BMAL2: variants seen among roughly 807,000 people sequenced by gnomAD.
The protein encoded by BMAL2 is basic helix-loop-helix ARNT-like protein 2.
chr12:27,365,443 C>A, the BMAL2 span, among the ~76,000 whole-genome samples: 110 of 151,890 alleles, frequency 7.2e-4, no homozygotes, highest in Non-Finnish European at 1.4e-3. Context: ...TCCTTTTGTA[C>A]TGTCCTTGTC....
the BMAL2 span, chr12:27,420,849 AG>A: frequency 5.0e-6 from 1 of 198,518 alleles, no homozygotes; most frequent in Non-Finnish European, 1.0e-5. Context: ...TTTTTGATGC[AG>A]TTTTTTTTAG....
At chr12:27,372,513 T>C in the BMAL2 span, among the ~76,000 whole-genome samples, 1,226 of 152,314 alleles carry the variant, frequency 8.0e-3, 18 homozygotes, top group African/African-American at 0.028. Context: ...TTCTTTCAGA[T>C]ACATGCCTAG....
At chr12:27,368,366 A>ACAGAGTTTCCACGAAAACG in the BMAL2 span, 1 of 1,614,152 alleles carries the variant, frequency 6.2e-7, no homozygotes, top group South Asian at 1.1e-5. Flanking sequence ...CTCACACATG[A>ACAGAGTTTCCACGAAAACG]CAGAGTTTCC....
the BMAL2 span, among the ~76,000 whole-genome samples, chr12:27,374,021 G>T: frequency 6.6e-6 from 1 of 152,140 alleles, no homozygotes; most frequent in African/African-American, 2.4e-5. Context: ...TCTTGCCTTT[G>T]TTCTATTCTG....
the BMAL2 span, among the ~76,000 whole-genome samples, chr12:27,358,876 T>C: frequency 6.6e-6 from 1 of 152,056 alleles, no homozygotes; most frequent in Non-Finnish European, 1.5e-5. Context: ...TTATCTCTGT[T>C]GCGCAAATTT....
chr12:27,357,677 C>G, the BMAL2 span, among the ~76,000 whole-genome samples: 5 of 152,238 alleles, frequency 3.3e-5, no homozygotes, highest in East Asian at 9.6e-4. Flanking sequence ...GGCACACAAA[C>G]CGAAGGAACA....
the BMAL2 span, among the ~76,000 whole-genome samples, chr12:27,413,637 T>C: frequency 6.6e-6 from 1 of 152,180 alleles, no homozygotes; most frequent in Non-Finnish European, 1.5e-5. Context: ...CAATATAGCC[T>C]AGTAGGTACT....
the BMAL2 span, among the ~76,000 whole-genome samples, chr12:27,407,560 A>G: frequency 1.3e-5 from 2 of 152,234 alleles, no homozygotes; most frequent in African/African-American, 4.8e-5. Flanking sequence ...ACAAAGACAC[A>G]ACATACCAGA....
chr12:27,410,393 C>T, the BMAL2 span, among the ~76,000 whole-genome samples: 2 of 152,188 alleles, frequency 1.3e-5, no homozygotes, highest in African/African-American at 2.4e-5. Context: ...GGCACATATA[C>T]ACCATGGAAT....
chr12:27,395,492 G>A, the BMAL2 span, among the ~76,000 whole-genome samples: 1 of 152,010 alleles, frequency 6.6e-6, no homozygotes, highest in Non-Finnish European at 1.5e-5. Flanking sequence ...CCCTGCTATG[G>A]TATTTTGAAG....
chr12:27,371,303 A>G, the BMAL2 span, among the ~76,000 whole-genome samples: 1 of 152,218 alleles, frequency 6.6e-6, no homozygotes, highest in Non-Finnish European at 1.5e-5. Context: ...AGCTATGGTC[A>G]CGCCACTGCA....
At chr12:27,333,084 A>AGAG in the BMAL2 span, 2 of 1,203,894 alleles carry the variant, frequency 1.7e-6, no homozygotes, top group South Asian at 8.3e-5. Context: ...TGGCGGCGGA[A>AGAG]GAGGAGGCTG....
At chr12:27,336,370 C>G in the BMAL2 span, among the ~76,000 whole-genome samples, 1 of 152,282 alleles carries the variant, frequency 6.6e-6, no homozygotes, top group Non-Finnish European at 1.5e-5. Flanking sequence ...TGCCCAGTGC[C>G]TCACCCCTTC....
the BMAL2 span, among the ~76,000 whole-genome samples, chr12:27,352,410 A>G: frequency 5.9e-5 from 9 of 152,218 alleles, no homozygotes; most frequent in African/African-American, 2.2e-4. Flanking sequence ...TCGAAGGAAC[A>G]TACCTCAAAA....
chr12:27,397,260 T>C, the BMAL2 span, among the ~76,000 whole-genome samples: 6 of 152,108 alleles, frequency 3.9e-5, no homozygotes, highest in Non-Finnish European at 7.4e-5. Flanking sequence ...TTAGTAGAGA[T>C]GGGGTTTCAC....
chr12:27,384,001 G>A, the BMAL2 span, among the ~76,000 whole-genome samples: 3 of 152,178 alleles, frequency 2.0e-5, no homozygotes, highest in Non-Finnish European at 4.4e-5. Context: ...CCAATGTGTG[G>A]TTAAAATGTC....
the BMAL2 span, among the ~76,000 whole-genome samples, chr12:27,361,671 C>T: frequency 2.0e-5 from 3 of 152,104 alleles, no homozygotes; most frequent in Non-Finnish European, 4.4e-5. Context: ...ATTTTTACTC[C>T]TTAAATTATG....
the BMAL2 span, among the ~76,000 whole-genome samples, chr12:27,336,832 A>G: frequency 6.6e-6 from 1 of 151,826 alleles, no homozygotes; most frequent in African/African-American, 2.4e-5. Flanking sequence ...GCGTGCCTGT[A>G]ATCCCAGCTC....
the BMAL2 span, among the ~76,000 whole-genome samples, chr12:27,399,988 C>T: frequency 6.6e-6 from 1 of 151,982 alleles, no homozygotes. Context: ...TTGTACTTTT[C>T]ACTATAAATT....
Sources: gnomAD v4.1 joint callset for allele counts (sites outside exome capture counted in the v4.1 genomes callset) on GRCh38, gnomAD v4.1.1 for gene constraint, MANE v1.5 for transcripts, NCBI Gene and HGNC (gene_info 2026-07-23, HGNC 2026-07-21) for gene names.